SENP7: variants seen among roughly 807,000 people sequenced by gnomAD.
SENP7 encodes the protein SUMO specific peptidase 7.
Under a neutral mutation model 141.2 loss-of-function variants are expected in SENP7, and 64 were observed. The ratio of observed to expected loss-of-function variants is 0.45; its 90% CI spans 0.37 to 0.56. The LOEUF (loss-of-function observed/expected upper bound fraction) is 0.56. Among genes scored for constraint, SENP7 ranks in the 20% least tolerant of loss-of-function variants. The pLI, the probability that SENP7 is intolerant of heterozygous loss-of-function variation, is 0.00. For missense variants in SENP7, 1,025 were observed against 1,212.2 expected, an observed-to-expected ratio of 0.85 and a Z score of 2.29; for synonymous variants, 382 against 426.4, an observed-to-expected ratio of 0.90 and a Z score of 1.28.
intron 4 of SENP7, among the ~76,000 whole-genome samples, chr3:101,424,466 T>C (rs1294381995): frequency 6.6e-6 from 1 of 152,024 alleles, no homozygotes; most frequent in Non-Finnish European, 1.5e-5. Context: ...ACCATTGCAG[T>C]GCAAACCATG....
chr3:101,357,867 G>T, intron 11 of SENP7: 1 of 557,712 alleles, frequency 1.8e-6, no homozygotes. Context: ...ATCTGGCAAA[G>T]CCTTTAAGCT....
intron 4 of SENP7, among the ~76,000 whole-genome samples, chr3:101,438,843 G>A (rs967089296): frequency 3.9e-4 from 60 of 152,106 alleles, no homozygotes; most frequent in African/African-American, 7.7e-4. Context: ...AGCGCCGCCC[G>A]GGAGGCAGCG....
chr3:101,331,724 G>A (rs1170997505), intron 19 of SENP7, among the ~76,000 whole-genome samples: 2 of 151,954 alleles, frequency 1.3e-5, no homozygotes, highest in East Asian at 3.9e-4. Flanking sequence ...GGTCATATTA[G>A]TTATACTTTT....
chr3:101,512,362 A>C (rs920431676), intron 1 of SENP7, among the ~76,000 whole-genome samples: 2 of 152,136 alleles, frequency 1.3e-5, no homozygotes, highest in African/African-American at 4.8e-5. Context: ...CGTTTTTATA[A>C]CTCCACTTTC....
At chr3:101,509,651 G>A (rs140553221) in intron 1 of SENP7, among the ~76,000 whole-genome samples, 4 of 152,210 alleles carry the variant, frequency 2.6e-5, no homozygotes, top group East Asian at 1.9e-4. Context: ...ATAACTAATC[G>A]TTAAGTTCTC....
At chr3:101,485,140 G>A (rs1189332853) in intron 3 of SENP7, among the ~76,000 whole-genome samples, 3 of 151,876 alleles carry the variant, frequency 2.0e-5, no homozygotes, top group Non-Finnish European at 4.4e-5. Context: ...GACACGCCTA[G>A]CCCCACCTCC....
intron 9 of SENP7, among the ~76,000 whole-genome samples, chr3:101,365,291 C>T (rs993515885): frequency 1.3e-5 from 2 of 151,906 alleles, no homozygotes; most frequent in African/African-American, 4.8e-5. Flanking sequence ...GTGTGGGTCA[C>T]TGCACCCAGA....
At chr3:101,341,519 T>C in intron 15 of SENP7, 127 bp downstream of exon 15, 1 of 818,084 alleles carries the variant, frequency 1.2e-6, no homozygotes, top group Non-Finnish European at 1.7e-6. Context: ...AAAAAACCTA[T>C]TTCCATTACT....
Position 101,332,769 on chromosome 3 carries a change from C to T in SENP7, c.2573+1G>A, listed in dbSNP as rs1477839754. The stretch of plus-strand genomic sequence containing the variant: ...GTTCTTAAATAATCTGAAATACTTA[C>T]GACTCATTTACAGGTACAAAGATGT... On this transcript the variant is annotated splice_donor_variant, in intron 18 of 23. Transcript: ENST00000394095. LOFTEE classifies it high-confidence loss of function. 2.0e-6 allele frequency: 3 copies of T among 1,490,440 alleles called. No individual in the cohort carries two copies. Among genetic ancestry groups the T allele is most frequent in the East Asian group, 2.5e-5 (1 of 39,844 alleles). The allele number at this position is 1,490,440 out of a possible 1,614,324, so 92.3% of individuals were successfully genotyped here.
chr3:101,453,340 A>G (rs1239334419), intron 4 of SENP7, among the ~76,000 whole-genome samples: 2 of 152,198 alleles, frequency 1.3e-5, no homozygotes, highest in Non-Finnish European at 2.9e-5. Context: ...AAGAAATACC[A>G]TTTGACCCAG....
rs1298075883 is a variant in SENP7, at chr3:101,493,943, G to C, written c.116C>G (p.Pro39Arg). 5 of 1,609,190 alleles carry C rather than the reference G, an allele frequency of 3.1e-6. No homozygotes were observed. The highest frequency in any genetic ancestry group is 4.3e-6 in the Non-Finnish European group (5 of 1,176,414). ...TGGTGATTGAACATGGACATCCTCTGGTTTTGCATTTAACATCTTTCTTAT... is the reference window on the plus strand; with the variant it reads ...TGGTGATTGAACATGGACATCCTCTCGTTTTGCATTTAACATCTTTCTTAT... ...SEIRKMLNAK[P>R]EDVHVQSPLS... The change falls in exon 3 of 24, where the codon CCA becomes CGA. Residue 39 changes from proline (P) to arginine (R), a missense_variant. This residue lies in a region of SENP7 where 496 missense variants were observed against 503.5 expected (regional missense o/e 0.99). Transcript: ENST00000394095.
At chr3:101,387,378 C>T (rs978585159) in intron 6 of SENP7, among the ~76,000 whole-genome samples, 2 of 151,996 alleles carry the variant, frequency 1.3e-5, no homozygotes, top group Admixed American at 6.5e-5. Context: ...CCCCACCCAC[C>T]AATACCACTG....
intron 1 of SENP7, among the ~76,000 whole-genome samples, chr3:101,504,441 G>A (rs199907624): frequency 5.5e-5 from 3 of 54,702 alleles, no homozygotes; most frequent in South Asian, 5.9e-4. Context: ...CCTAGGCAAC[G>A]AGGGCAAAAT....
chr3:101,481,817 T>C (rs1352006653), intron 3 of SENP7, among the ~76,000 whole-genome samples: 1 of 152,158 alleles, frequency 6.6e-6, no homozygotes, highest in Non-Finnish European at 1.5e-5. Context: ...GAAATAAAAC[T>C]GTCTTTGTTT....
rs753653766 is a variant in SENP7, at chr3:101,417,618, G to A, written c.457C>T (p.Arg153Cys). 1.4e-5 allele frequency: 23 copies of A among 1,613,730 alleles called. No homozygotes were observed. The highest frequency in any genetic ancestry group is 6.6e-5 in the South Asian group (6 of 91,068). The change falls in exon 5 of 24, where the codon CGC (arginine) becomes TGC (cysteine). Residue 153 changes from arginine to cysteine, a missense_variant. Physicochemically the swap from Arg to Cys is radical, Grantham distance 180 (BLOSUM62 -3). Transcript: ENST00000394095. ...LETCQKLEPLRQSLNLSERIP... is the reference protein window; with the variant it reads ...LETCQKLEPLCQSLNLSERIP... ...CTTTCAGATAAATTAAGGCTTTGGC[G>A]AAGAGGTTCTAATTTTTGACATGTC...
At position 101,366,750 on chromosome 3, in the gene SENP7, G is replaced by A; in HGVS notation, c.998C>T (p.Ser333Leu). The A allele has an allele frequency of 1.9e-6, 3 of 1,590,778 alleles. No individual in the cohort carries two copies. Among genetic ancestry groups the A allele is most frequent in the South Asian group, 1.1e-5 (1 of 87,592 alleles). ...CTTTTCAAACTCAGTGGATATTGTT[G>A]AGTCATCTTCTTGTTTTTTCTAAAC... is the stretch of plus-strand genomic sequence containing the variant. ...TEQTKKQEDD[S>L]TISTEFEKPS... The change falls in exon 9 of 24, where the codon TCA becomes TTA. Residue 333 changes from serine (S) to leucine (L), a missense_variant. Ser to Leu is a moderately radical substitution (Grantham distance 145, BLOSUM62 -2). Around this residue, in one of 4 missense-constraint regions of SENP7, gnomAD observed 496 missense variants for 503.5 expected, o/e 0.99. Transcript: ENST00000394095.
intron 6 of SENP7, among the ~76,000 whole-genome samples, chr3:101,393,511 C>T (rs896412579): frequency 6.6e-6 from 1 of 151,888 alleles, no homozygotes. Context: ...ACAAATAATC[C>T]AATTTAAAAA....
At chr3:101,328,713 A>C in intron 20 of SENP7, 24 bp from the exon 21 acceptor site, 2 of 1,564,074 alleles carry the variant, frequency 1.3e-6, no homozygotes, top group South Asian at 1.1e-5. Context: ...AATTTTTATG[A>C]CTGCAATTAA....
chr3:101,349,584 A>G (rs954698611), intron 12 of SENP7, among the ~76,000 whole-genome samples: 1 of 152,178 alleles, frequency 6.6e-6, no homozygotes, highest in African/African-American at 2.4e-5. Flanking sequence ...ACCTAATGCT[A>G]AATGACGAGT....
Sources: allele counts gnomAD v4.1 joint callset (sites outside exome capture counted in the v4.1 genomes callset), GRCh38; gene constraint gnomAD v4.1.1; regional missense constraint gnomAD v4.1.1; transcripts MANE v1.5; gene names NCBI Gene and HGNC (gene_info 2026-07-23, HGNC 2026-07-21).